The following FGD3 variants were observed in gnomAD, a reference collection of about 807,000 sequenced individuals.
FGD3 encodes FYVE, RhoGEF and PH domain-containing protein 3.
FGD3 carries 45 observed loss-of-function variants against 71.8 expected under a neutral mutation model. The ratio of observed to expected loss-of-function variants is 0.63; its 90% CI spans 0.49 to 0.80. FGD3 has a LOEUF of 0.80. Ranked by LOEUF, FGD3 falls within the 30% of genes least tolerant of loss-of-function variation. The pLI is 0.00. For synonymous variants in FGD3, 378 were observed against 392.8 expected, an observed-to-expected ratio of 0.96 and a Z score of 0.44; for missense variants, 844 against 951.5, an observed-to-expected ratio of 0.89 and a Z score of 1.49.
At position 92,987,491 on chromosome 9, in the gene FGD3, C is replaced by T. The variant is rs1860234692; in HGVS notation, c.453+10782C>T. Among the ~76,000 whole-genome samples the T allele has an allele frequency of 6.6e-5, 10 of 151,848 alleles. No homozygotes were observed. In the South Asian group the frequency reaches 2.1e-3, roughly 32 times the overall value. On this transcript the variant is annotated intron_variant, in intron 3 of 17. Transcript: ENST00000375482. ...AAAGCAGAGGAAACAACAGACATTGCATGGTGTTAGGTTTTAGCCCTACCA... is the reference window on the plus strand; with the variant it reads ...AAAGCAGAGGAAACAACAGACATTGTATGGTGTTAGGTTTTAGCCCTACCA...
intron 1 of FGD3, among the ~76,000 whole-genome samples, chr9:92,964,967 G>A (rs1859260628): frequency 2.0e-5 from 3 of 152,360 alleles, no homozygotes; most frequent in East Asian, 1.9e-4. Flanking sequence ...ATGCGGGCCT[G>A]TGTAGCATGG....
chr9:93,033,298 TCCCCTTCTCCTCCTCCTCCCC>T, intron 16 of FGD3: 1 of 149,142 alleles, frequency 6.7e-6, no homozygotes, highest in South Asian at 4.6e-5. Context: ...CTCCTCCCCG[TCCCCTTCTCCTCCTCCTCCCC>T]GTCCCCTTCT....
In FGD3 at chr9:92,957,956, C is replaced by A. The variant is rs535637194; in HGVS notation, c.-218+10227C>A. Reference sequence around the variant, plus strand: ...TCAGCCTCCCAAAGTAGTGGGAATACAGGCCACTGCACCCGGCCGCCTTTG... The same window carrying A: ...TCAGCCTCCCAAAGTAGTGGGAATAAAGGCCACTGCACCCGGCCGCCTTTG... On this transcript the variant is annotated intron_variant, in intron 1 of 17. Coordinates refer to ENST00000375482, the MANE Select transcript of FGD3 (RefSeq NM_001083536.2). 3.3e-5 allele frequency among the ~76,000 whole-genome samples: 5 copies of A among 151,684 alleles called. No homozygotes were observed. The East Asian group carries it at 9.7e-4, about 29-fold the overall frequency.
intron 6 of FGD3, among the ~76,000 whole-genome samples, chr9:93,009,270 A>T (rs990568300): frequency 3.3e-5 from 5 of 152,072 alleles, no homozygotes; most frequent in Admixed American, 1.3e-4. Context: ...CTCAAAAAAA[A>T]AAAAGTTTCT....
At chr9:93,004,167 C>T in intron 5 of FGD3, 30 bp downstream of exon 5, 3 of 1,610,748 alleles carry the variant, frequency 1.9e-6, no homozygotes, top group Middle Eastern at 1.7e-4. Flanking sequence ...GCCCATGGGG[C>T]CCCTCAAGTG....
rs565199167 is a variant in FGD3 at position 93,034,173 on chromosome 9, C to T, written c.1786-368C>T. ...TGTGTGTGTGTGTGCTGTGTGTGCA[C>T]GCACGTGCATGTATATGGTGTGTGT... is the stretch of plus-strand genomic sequence containing the variant. On this transcript the variant is annotated intron_variant, in intron 16 of 17. Transcript: ENST00000375482. 8.7e-5 allele frequency: 16 copies of T among 183,286 alleles called. No homozygotes were observed. The East Asian group carries it at 1.3e-3, about 14-fold the overall frequency. The allele number at this position is 183,286 out of a possible 1,614,324, so 11.4% of individuals were successfully genotyped here. A position where few individuals can be genotyped will look rare whatever the true frequency, so the allele number is the denominator to read the frequency against.
intron 3 of FGD3, among the ~76,000 whole-genome samples, chr9:92,993,952 G>A (rs902229845): frequency 5.3e-5 from 8 of 152,080 alleles, no homozygotes; most frequent in East Asian, 3.8e-4. Context: ...TTATAGCAGC[G>A]TGATTTATAA....
Position 92,976,277 on chromosome 9 carries a change from C to T in FGD3, c.21C>T (p.Ser7=). The T allele has an allele frequency of 6.3e-7, 1 of 1,589,264 alleles. No individual in the cohort carries two copies. Among genetic ancestry groups the T allele is most frequent in the South Asian group, 1.1e-5 (1 of 90,010 alleles). ...TAAGGATGGAGTCAGGCAGGGGGTC[C>T]TCAACCCCTCCAGGACCCATTGCTG... The part of the protein sequence containing the change: MESGRG[S]STPPGPIAAL... Residue 7 remains serine, a synonymous_variant, in exon 3 of 18, where the codon TCC becomes TCT. Coordinates refer to ENST00000375482, the MANE Select transcript of FGD3 (RefSeq NM_001083536.2).
At chr9:92,979,536 A>G (rs1238319376) in intron 3 of FGD3, among the ~76,000 whole-genome samples, 6 of 152,158 alleles carry the variant, frequency 3.9e-5, no homozygotes, top group Non-Finnish European at 1.5e-5. Context: ...TTGCATCAAT[A>G]GTCATCAGGG....
At chr9:93,033,843 C>G (rs1279460219) in intron 16 of FGD3, 1 of 152,228 alleles carries the variant, frequency 6.6e-6, no homozygotes, top group African/African-American at 2.4e-5. Flanking sequence ...TGACCTAGGT[C>G]CTTGGTCTAA....
intron 16 of FGD3, chr9:93,033,140 GT>G: frequency 1.9e-6 from 1 of 520,076 alleles, no homozygotes; most frequent in South Asian, 1.9e-5. Context: ...GTCACTCCTG[GT>G]CACCTGGTTG....
At position 93,003,503 on chromosome 9, in the gene FGD3, C is replaced by T. The variant is rs542261311; in HGVS notation, c.543+489C>T. On this transcript the variant is annotated intron_variant, in intron 4 of 17. Coordinates refer to ENST00000375482, the MANE Select transcript of FGD3 (RefSeq NM_001083536.2). The surrounding 1 kb of genome is among the most constrained non-coding windows in gnomAD (Gnocchi z 4.1). Reference sequence around the variant, plus strand: ...TTGCCAAGTCACCTGTGGGACATTTCTTCTTGGCAGCTGCATGATCTGAGC... The same window carrying T: ...TTGCCAAGTCACCTGTGGGACATTTTTTCTTGGCAGCTGCATGATCTGAGC... 8.5e-5 allele frequency among the ~76,000 whole-genome samples: 13 copies of T among 152,362 alleles called. No individual in the cohort carries two copies. In the South Asian group the frequency reaches 2.7e-3, roughly 32 times the overall value.
intron 15 of FGD3, 80 bp from the exon 16 acceptor site, chr9:93,032,689 C>G (rs1294053507): frequency 5.2e-6 from 6 of 1,144,988 alleles, no homozygotes; most frequent in Non-Finnish European, 7.6e-6. Flanking sequence ...CACCTCCCGC[C>G]CACTCTACCT....
At chr9:92,993,197 G>T (rs749637260) in intron 3 of FGD3, among the ~76,000 whole-genome samples, 12 of 152,080 alleles carry the variant, frequency 7.9e-5, no homozygotes, top group Non-Finnish European at 1.5e-5. Context: ...TCAAACTCCT[G>T]GGCTTAAGTG....
intron 1 of FGD3, among the ~76,000 whole-genome samples, chr9:92,959,714 A>AAG (rs1859134438): frequency 6.6e-6 from 1 of 151,370 alleles, no homozygotes; most frequent in East Asian, 1.9e-4. Flanking sequence ...CTCAAAAAAA[A>AAG]AAAAAAAAAA....
intron 8 of FGD3, among the ~76,000 whole-genome samples, chr9:93,011,595 T>C (rs4743879): frequency 0.73 from 110,322 of 152,126 alleles, 41,338 homozygotes; most frequent in African/African-American, 0.91. Flanking sequence ...CGGTTGCTCA[T>C]TCCTATAATC....
At chr9:92,972,096 T>C (rs1587820316) in intron 1 of FGD3, among the ~76,000 whole-genome samples, 1 of 151,956 alleles carries the variant, frequency 6.6e-6, no homozygotes. Context: ...CTGTGGCTCC[T>C]TTTGTTCAGC....
At chr9:93,007,379 C>T (rs980920957) in intron 6 of FGD3, among the ~76,000 whole-genome samples, 2 of 152,208 alleles carry the variant, frequency 1.3e-5, no homozygotes, top group Non-Finnish European at 2.9e-5. Context: ...CGTGAGCCAC[C>T]GCGCCTGGCC....
chr9:92,998,175 C>T (rs180679331), intron 3 of FGD3, among the ~76,000 whole-genome samples: 8 of 152,240 alleles, frequency 5.3e-5, no homozygotes, highest in Admixed American at 5.2e-4. Flanking sequence ...TTTCTTTTTA[C>T]TCTTTTTTCT....
Sources: gnomAD v4.1 joint callset for allele counts (sites outside exome capture counted in the v4.1 genomes callset) on GRCh38, gnomAD v4.1.1 for gene constraint, Gnocchi (gnomAD v3.1) non-coding constraint, MANE v1.5 for transcripts, NCBI Gene and HGNC (gene_info 2026-07-23, HGNC 2026-07-21) for gene names.